The following FBXL17 variants were observed in gnomAD, a reference collection of about 807,000 sequenced individuals.
FBXL17 encodes F-box and leucine rich repeat protein 17.
In FBXL17, 22 loss-of-function variants were observed where a neutral mutation model predicts 66.2. The observed-to-expected ratio is 0.33, with a 90% CI of 0.24 to 0.47. The LOEUF (loss-of-function observed/expected upper bound fraction) is 0.47, where lower values mean the gene tolerates loss of function less well. Ranked by LOEUF, FBXL17 falls within the 20% of genes least tolerant of loss-of-function variation. FBXL17 has a pLI of 1.00. For synonymous variants in FBXL17, 474 were observed against 400.5 expected (o/e 1.18, Z -2.19); for missense variants, 878 against 948.2 (o/e 0.93, Z 0.97).
chr5:107,965,285 C>T (rs1752079750), intron 7 of FBXL17, among the ~76,000 whole-genome samples: 1 of 152,052 alleles, frequency 6.6e-6, no homozygotes, highest in Admixed American at 6.6e-5. Context: ...TATTCAAAAG[C>T]AGTTTCTAAA....
intron 6 of FBXL17, among the ~76,000 whole-genome samples, chr5:108,152,927 C>T (rs766106126): frequency 3.9e-5 from 6 of 152,142 alleles, no homozygotes; most frequent in South Asian, 4.1e-4. Context: ...TCCCATGTGT[C>T]GTGGGAGGAA....
chr5:108,010,520 T>C (rs758176832), intron 7 of FBXL17, among the ~76,000 whole-genome samples: 4 of 152,142 alleles, frequency 2.6e-5, no homozygotes, highest in Non-Finnish European at 5.9e-5. Flanking sequence ...ACGAATATAA[T>C]AGGTTTTAAG....
chr5:108,095,753 T>G (rs1418752535), intron 6 of FBXL17, among the ~76,000 whole-genome samples: 1 of 152,146 alleles, frequency 6.6e-6, no homozygotes, highest in Non-Finnish European at 1.5e-5. Context: ...TGATGATAAA[T>G]GGCATCATTC....
chr5:108,096,500 T>C (rs1047318899), intron 6 of FBXL17, among the ~76,000 whole-genome samples: 1 of 152,102 alleles, frequency 6.6e-6, no homozygotes, highest in Admixed American at 6.6e-5. Flanking sequence ...TAAGAGAACA[T>C]GATTGACAAG....
At chr5:108,022,224 T>A (rs1389082495) in intron 6 of FBXL17, among the ~76,000 whole-genome samples, 1 of 151,832 alleles carries the variant, frequency 6.6e-6, no homozygotes, top group Non-Finnish European at 1.5e-5. Flanking sequence ...TATAAAAAAA[T>A]GGATAAACTT....
At chr5:108,108,256 T>A (rs1033601730) in intron 6 of FBXL17, among the ~76,000 whole-genome samples, 2 of 152,228 alleles carry the variant, frequency 1.3e-5, no homozygotes, top group African/African-American at 2.4e-5. Context: ...TATTTCTACT[T>A]GTCCATTATC....
chr5:107,898,948 T>C lies in FBXL17; in HGVS notation c.1823-17769A>G, dbSNP rs182010954. ...CACACATGTGCATGTGTCTTTATAA[T>C]AGAATGATTTATATTCCTTTGGGTA... is the stretch of plus-strand genomic sequence containing the variant. On this transcript the variant is annotated intron_variant, in intron 7 of 8. Transcript: ENST00000542267. Among the ~76,000 whole-genome samples the C allele has an allele frequency of 2.9e-3, 438 of 152,312 alleles. 5 individuals are homozygous for C. Among genetic ancestry groups the C allele is most frequent in the African/African-American group, 0.01 (425 of 41,586 alleles).
chr5:108,039,238 T>C (rs1243559017), intron 6 of FBXL17, among the ~76,000 whole-genome samples: 1 of 151,972 alleles, frequency 6.6e-6, no homozygotes, highest in Admixed American at 6.6e-5. Flanking sequence ...AAATCAAGTA[T>C]TTAATTAATA....
chr5:107,923,086 TAG>T (rs1750376961), intron 7 of FBXL17, among the ~76,000 whole-genome samples: 3 of 152,086 alleles, frequency 2.0e-5, no homozygotes, highest in African/African-American at 4.8e-5. Context: ...TAATAAATAA[TAG>T]AGTCAAAAGT....
intron 7 of FBXL17, among the ~76,000 whole-genome samples, chr5:107,912,858 T>C (rs1749998221): frequency 6.6e-6 from 1 of 152,110 alleles, no homozygotes; most frequent in South Asian, 2.1e-4. Context: ...GAACCTGGGT[T>C]CAAATTTTAG....
At chr5:108,036,606 C>T (rs1746850649) in intron 6 of FBXL17, among the ~76,000 whole-genome samples, 1 of 152,144 alleles carries the variant, frequency 6.6e-6, no homozygotes, top group African/African-American at 2.4e-5. Context: ...TTGCTCCTAA[C>T]CCCTAGTTTC....
chr5:107,989,935 G>C (rs1195864407), intron 7 of FBXL17, among the ~76,000 whole-genome samples: 1 of 152,114 alleles, frequency 6.6e-6, no homozygotes, highest in Non-Finnish European at 1.5e-5. Flanking sequence ...GACCACCACT[G>C]CTGGGCTCTA....
chr5:108,086,703 C>T (rs996217170), intron 6 of FBXL17, among the ~76,000 whole-genome samples: 11 of 152,000 alleles, frequency 7.2e-5, no homozygotes, highest in South Asian at 2.1e-4. Context: ...TGATTACAGG[C>T]GCATATGCCA....
At chr5:107,959,237 C>T (rs770386571) in intron 7 of FBXL17, among the ~76,000 whole-genome samples, 2 of 152,044 alleles carry the variant, frequency 1.3e-5, no homozygotes, top group Non-Finnish European at 2.9e-5. Context: ...CTGGGTCTAG[C>T]AGGGTACAAG....
At chr5:108,366,797 G>A (rs1300500358) in intron 2 of FBXL17, among the ~76,000 whole-genome samples, 1 of 152,104 alleles carries the variant, frequency 6.6e-6, no homozygotes, top group African/African-American at 2.4e-5. Context: ...TCTTACCAAT[G>A]AAGGAGAAAA....
chr5:108,069,159 G>C (rs928477683), intron 6 of FBXL17, among the ~76,000 whole-genome samples: 10 of 152,226 alleles, frequency 6.6e-5, no homozygotes, highest in African/African-American at 2.4e-4. Flanking sequence ...GGCAGAGCTA[G>C]GAGAAATAAG....
At chr5:107,888,115 T>C (rs939767629) in intron 7 of FBXL17, among the ~76,000 whole-genome samples, 4 of 152,240 alleles carry the variant, frequency 2.6e-5, no homozygotes, top group African/African-American at 9.6e-5. Flanking sequence ...GACCACACTC[T>C]AAAACATTTT....
intron 6 of FBXL17, among the ~76,000 whole-genome samples, chr5:108,061,937 T>C (rs530072304): frequency 2.6e-5 from 4 of 151,818 alleles, no homozygotes; most frequent in Middle Eastern, 3.2e-3. Context: ...GCTCCCCAGA[T>C]GAAAGCCCGC....
chr5:108,266,069 T>G (rs1411588915), intron 4 of FBXL17, among the ~76,000 whole-genome samples: 1 of 152,130 alleles, frequency 6.6e-6, no homozygotes, highest in Admixed American at 6.6e-5. Context: ...TACGAGTAAG[T>G]GTGGTGGAGC....
Sources: allele counts gnomAD v4.1 joint callset (sites outside exome capture counted in the v4.1 genomes callset), GRCh38; gene constraint gnomAD v4.1.1; transcripts MANE v1.5; gene names NCBI Gene and HGNC (gene_info 2026-07-23, HGNC 2026-07-21).